The following NAE1 variants were observed in gnomAD, a reference collection of about 807,000 sequenced individuals.
NAE1 encodes the protein NEDD8 activating enzyme E1 subunit 1, also known as NEDD8-activating enzyme E1 regulatory subunit.
Under a neutral mutation model 88.0 loss-of-function variants are expected in NAE1, and 59 were observed. That is an observed-to-expected ratio of 0.67 (90% confidence interval 0.54 to 0.83). NAE1 has a LOEUF of 0.83. NAE1 is among the 40% of genes least tolerant of loss of function. The pLI is 0.00. For missense variants in NAE1, 554 were observed against 632.8 expected (o/e 0.88, Z 1.34); for synonymous variants, 186 against 208.9 (o/e 0.89, Z 0.95).
chr16:66,817,341 A>G, intron 9 of NAE1, 84 bp downstream of exon 9: 1 of 1,152,290 alleles, frequency 8.7e-7, no homozygotes, highest in Non-Finnish European at 1.3e-6. Context: ...AAAAAAATTA[A>G]TCTCCCATTC....
intron 9 of NAE1, 33 bp from the exon 10 acceptor site, chr16:66,817,061 A>G: frequency 6.4e-7 from 1 of 1,570,670 alleles, no homozygotes; most frequent in Non-Finnish European, 8.6e-7. Flanking sequence ...AAATCTAGTT[A>G]TTAAAATTCA....
chr16:66,813,234 C>T (rs1303892312), intron 13 of NAE1: 1 of 203,900 alleles, frequency 4.9e-6, no homozygotes, highest in Non-Finnish European at 9.9e-6. Context: ...CCTCAAACTC[C>T]TGAGCTCAAG....
intron 10 of NAE1, 106 bp downstream of exon 10, chr16:66,816,859 A>T: frequency 6.6e-7 from 1 of 1,503,994 alleles, no homozygotes; most frequent in East Asian, 2.3e-5. Context: ...ATAAAAGCTC[A>T]TGATGCTATC....
chr16:66,807,921 T>C (rs77916180), intron 17 of NAE1, among the ~76,000 whole-genome samples: 1 of 152,234 alleles, frequency 6.6e-6, no homozygotes, highest in South Asian at 2.1e-4. Flanking sequence ...TTTTTTTTTT[T>C]TGAGACAGTC....
chr16:66,811,991 A>G (rs1331458399), intron 13 of NAE1, among the ~76,000 whole-genome samples: 1 of 152,186 alleles, frequency 6.6e-6, no homozygotes, highest in African/African-American at 2.4e-5. Context: ...CCCTAACTAT[A>G]CGAGGGTCAT....
Position 66,826,603 on chromosome 16 carries a change from C to A in NAE1, c.158-20G>T. On this transcript the variant is annotated intron_variant, in intron 2 of 19. Coordinates refer to ENST00000290810, the MANE Select transcript of NAE1 (RefSeq NM_003905.4). Reference sequence around the variant, plus strand: ...CAATACCTGAGAGCCAAAACAGAGTCAGTCAGGAATACATAGTTCTAGGTC... The same window carrying A: ...CAATACCTGAGAGCCAAAACAGAGTAAGTCAGGAATACATAGTTCTAGGTC... The A allele has an allele frequency of 6.2e-7, 1 of 1,614,070 alleles. No homozygotes were observed. Among genetic ancestry groups the A allele is most frequent in the South Asian group, 1.1e-5 (1 of 91,048 alleles).
At chr16:66,822,678 T>A (rs144336418) in intron 6 of NAE1, among the ~76,000 whole-genome samples, 16,815 of 146,904 alleles carry the variant, frequency 0.11, 1,441 homozygotes, top group African/African-American at 0.25. Context: ...TTATTTATTT[T>A]TTTTTTTTGA....
intron 9 of NAE1, 29 bp downstream of exon 9, chr16:66,817,396 T>G: frequency 1.3e-6 from 2 of 1,496,378 alleles, no homozygotes; most frequent in East Asian, 2.3e-5. Context: ...TACAGTTGCA[T>G]ATGAAATTTT....
At chr16:66,821,408 C>A in intron 7 of NAE1, 42 bp downstream of exon 7, 1 of 1,469,842 alleles carries the variant, frequency 6.8e-7, no homozygotes, top group Non-Finnish European at 9.1e-7. Flanking sequence ...AAAATTATAG[C>A]TAAAGCAACC....
intron 11 of NAE1, among the ~76,000 whole-genome samples, chr16:66,815,277 T>A (rs536288400): frequency 5.1e-4 from 77 of 152,348 alleles, no homozygotes; most frequent in African/African-American, 1.8e-3. Flanking sequence ...TGCATTTTGA[T>A]AACTATATAT....
intron 6 of NAE1, among the ~76,000 whole-genome samples, chr16:66,822,445 C>T (rs1213658120): frequency 6.6e-6 from 1 of 151,856 alleles, no homozygotes; most frequent in Admixed American, 6.6e-5. Flanking sequence ...GTGGCACATG[C>T]CTATAATCCC....
At chr16:66,804,034 T>C (rs948924718) in intron 19 of NAE1, among the ~76,000 whole-genome samples, 2 of 152,078 alleles carry the variant, frequency 1.3e-5, no homozygotes, top group African/African-American at 4.8e-5. Context: ...TACAAATAAA[T>C]AGAATGTGTA....
chr16:66,804,614 T>A (rs1036283917), intron 19 of NAE1, among the ~76,000 whole-genome samples: 1 of 152,170 alleles, frequency 6.6e-6, no homozygotes, highest in African/African-American at 2.4e-5. Flanking sequence ...CTACAGGAGA[T>A]CACAGGACAG....
intron 3 of NAE1, among the ~76,000 whole-genome samples, chr16:66,825,185 T>A (rs572303271): frequency 1.3e-5 from 2 of 152,262 alleles, no homozygotes; most frequent in South Asian, 2.1e-4. Context: ...TGGTGGCTCA[T>A]GCCTGTAATC....
chr16:66,815,263 T>TC (rs1468422767), intron 11 of NAE1, among the ~76,000 whole-genome samples: 3 of 152,336 alleles, frequency 2.0e-5, no homozygotes, highest in African/African-American at 7.2e-5. Flanking sequence ...AATGTCCAAT[T>TC]CAATGCATTT....
Position 66,828,123 on chromosome 16 carries a change from G to A in NAE1, c.54-1343C>T, listed in dbSNP as rs773933960. 7.7e-6 allele frequency: 11 copies of A among 1,421,062 alleles called. No homozygotes were observed. The African/African-American group carries it at 8.4e-5, about 11-fold the overall frequency. 88.0% of individuals were successfully genotyped at this position (1,421,062 alleles called of 1,614,324 possible). ...GTAAACGCCTGTTTTCTCCATCAAA[G>A]TATGGCACGTAGAAGACACCTGACA... On this transcript the variant is annotated intron_variant, in intron 1 of 19. Transcript: ENST00000290810.
intron 13 of NAE1, chr16:66,813,045 A>C (rs1351849535): frequency 1.3e-5 from 2 of 150,652 alleles, no homozygotes; most frequent in Admixed American, 1.3e-4. Context: ...GGATGGTCTC[A>C]ATCTCCTGAC....
At chr16:66,813,409 G>A (rs1247309468) in intron 13 of NAE1, 155 bp downstream of exon 13, 2 of 893,464 alleles carry the variant, frequency 2.2e-6, no homozygotes, top group African/African-American at 3.4e-5. Context: ...CCAAAGTGTT[G>A]GGATTACAGG....
chr16:66,806,162 C>T (rs1959553776), intron 17 of NAE1, 136 bp from the exon 18 acceptor site: 2 of 1,047,188 alleles, frequency 1.9e-6, no homozygotes, highest in African/African-American at 1.6e-5. Flanking sequence ...AAGTATGAGA[C>T]CAATATTTGC....
Sources: gnomAD v4.1 joint callset for allele counts (sites outside exome capture counted in the v4.1 genomes callset) on GRCh38, gnomAD v4.1.1 for gene constraint, MANE v1.5 for transcripts, NCBI Gene and HGNC (gene_info 2026-07-23, HGNC 2026-07-21) for gene names.